The following AGTPBP1 variants were observed in gnomAD, a reference collection of about 807,000 sequenced individuals.
AGTPBP1 encodes the protein cytosolic carboxypeptidase 1.
Under a neutral mutation model 143.9 loss-of-function variants are expected in AGTPBP1, and 70 were observed. The ratio of observed to expected loss-of-function variants is 0.49; its 90% CI spans 0.40 to 0.59. AGTPBP1 has a LOEUF of 0.59. Ranked by LOEUF, AGTPBP1 falls within the 20% of genes least tolerant of loss-of-function variation. The pLI, the probability that AGTPBP1 is intolerant of heterozygous loss-of-function variation, is 0.00. For synonymous variants in AGTPBP1, 463 were observed against 500.2 expected (o/e 0.93, Z 0.99); for missense variants, 1,229 against 1,464.5 (o/e 0.84, Z 2.62).
chr9:85,638,437 G>A (rs1220063476), intron 13 of AGTPBP1, among the ~76,000 whole-genome samples: 2 of 151,580 alleles, frequency 1.3e-5, no homozygotes, highest in East Asian at 3.9e-4. Context: ...CCAAATGAAG[G>A]CAAGAAAAAG....
chr9:85,618,904 A>C, intron 17 of AGTPBP1, 79 bp downstream of exon 17: 2 of 1,441,530 alleles, frequency 1.4e-6, no homozygotes, highest in South Asian at 2.9e-5. Flanking sequence ...TTAAAAGTTG[A>C]CAATTTTTTT....
intron 8 of AGTPBP1, among the ~76,000 whole-genome samples, chr9:85,664,461 A>C (rs963812371): frequency 6.6e-6 from 1 of 152,166 alleles, no homozygotes; most frequent in African/African-American, 2.4e-5. Context: ...ATGATTTTTA[A>C]AGAAATTAAA....
intron 17 of AGTPBP1, among the ~76,000 whole-genome samples, chr9:85,599,326 TTG>T (rs1305957552): frequency 6.6e-6 from 1 of 152,212 alleles, no homozygotes; most frequent in Non-Finnish European, 1.5e-5. Flanking sequence ...ATACATTTCA[TTG>T]TATTCTCTCC....
chr9:85,718,540 T>C (rs1013999501), intron 1 of AGTPBP1, among the ~76,000 whole-genome samples: 3 of 152,196 alleles, frequency 2.0e-5, no homozygotes, highest in African/African-American at 7.2e-5. Context: ...GGTAAATATG[T>C]TTAAGTTCTT....
At chr9:85,576,498 T>C (rs896549636) in intron 24 of AGTPBP1, among the ~76,000 whole-genome samples, 3 of 152,230 alleles carry the variant, frequency 2.0e-5, no homozygotes, top group South Asian at 2.1e-4. Flanking sequence ...CTAGGAAATA[T>C]GACCTGACTT....
chr9:85,681,415 G>A (rs1159210681), intron 3 of AGTPBP1, 80 bp from the exon 4 acceptor site: 2 of 1,150,380 alleles, frequency 1.7e-6, no homozygotes, highest in Non-Finnish European at 2.5e-6. Flanking sequence ...AGCTAATAAA[G>A]ATTCAACAAG....
intron 17 of AGTPBP1, among the ~76,000 whole-genome samples, chr9:85,603,426 C>T (rs1184539248): frequency 6.6e-6 from 1 of 152,126 alleles, no homozygotes; most frequent in East Asian, 1.9e-4. Context: ...AGAGAACCCA[C>T]TGCCTTAAAG....
chr9:85,773,076 T>G, the AGTPBP1 span, among the ~76,000 whole-genome samples: 1 of 151,550 alleles, frequency 6.6e-6, no homozygotes, highest in Non-Finnish European at 1.5e-5. Context: ...CCATCCTAGC[T>G]AACACGGTGA....
chr9:85,749,590 G>A, the AGTPBP1 span, among the ~76,000 whole-genome samples: 1 of 152,110 alleles, frequency 6.6e-6, no homozygotes, highest in African/African-American at 2.4e-5. Flanking sequence ...TCTTAACTGA[G>A]GTCCATGGAT....
At chr9:85,573,437 G>A (rs569871922) in intron 25 of AGTPBP1, among the ~76,000 whole-genome samples, 1,904 of 152,254 alleles carry the variant, frequency 0.013, 29 homozygotes, top group African/African-American at 0.037. Context: ...GTGCAGTGGC[G>A]TGATCTCGGC....
At chr9:85,779,302 T>C in the AGTPBP1 span, among the ~76,000 whole-genome samples, 1 of 151,190 alleles carries the variant, frequency 6.6e-6, no homozygotes, top group African/African-American at 2.4e-5. Flanking sequence ...TCTCTATATA[T>C]ATAAAGGGGA....
chr9:85,766,094 A>T, the AGTPBP1 span, among the ~76,000 whole-genome samples: 2 of 151,290 alleles, frequency 1.3e-5, no homozygotes, highest in Admixed American at 1.3e-4. Context: ...CCTGCCTGTG[A>T]CTATTACTAA....
the AGTPBP1 span, among the ~76,000 whole-genome samples, chr9:85,753,789 G>C: frequency 3.2e-4 from 48 of 149,548 alleles, no homozygotes; most frequent in Non-Finnish European, 6.3e-4. Context: ...TAGATAGATA[G>C]ATAGATAGAT....
intron 25 of AGTPBP1, among the ~76,000 whole-genome samples, chr9:85,568,741 A>G (rs544386635): frequency 4.0e-4 from 61 of 152,322 alleles, no homozygotes; most frequent in African/African-American, 1.3e-3. Context: ...GCTCTGAGAA[A>G]TATCTCAGAA....
chr9:85,627,073 A>G (rs1587770092), intron 14 of AGTPBP1, among the ~76,000 whole-genome samples: 1 of 152,328 alleles, frequency 6.6e-6, no homozygotes, highest in Middle Eastern at 3.4e-3. Context: ...CCTACAAAAG[A>G]GAAACAGAGA....
intron 18 of AGTPBP1, among the ~76,000 whole-genome samples, chr9:85,595,366 C>A (rs982440962): frequency 2.0e-5 from 3 of 152,096 alleles, no homozygotes; most frequent in Admixed American, 2.0e-4. Context: ...ACAAGGGTGC[C>A]AAGTGGAATC....
chr9:85,679,268 T>G (rs1256272028), intron 4 of AGTPBP1, among the ~76,000 whole-genome samples: 3 of 152,182 alleles, frequency 2.0e-5, no homozygotes, highest in Non-Finnish European at 4.4e-5. Context: ...ACACTGTACT[T>G]TGGTTTTATT....
chr9:85,720,219 C>T (rs12553194), intron 1 of AGTPBP1, among the ~76,000 whole-genome samples: 12 of 152,080 alleles, frequency 7.9e-5, no homozygotes, highest in Non-Finnish European at 1.0e-4. Flanking sequence ...TTGATTGGAA[C>T]AGTTTCAGAA....
In AGTPBP1 at chr9:85,588,228, T is replaced by C. The variant is rs1828736430; in HGVS notation, c.2903+70A>G. 3.9e-6 allele frequency: 5 copies of C among 1,280,830 alleles called. No homozygotes were observed. The Admixed American group carries it at 9.1e-5, about 23-fold the overall frequency. The allele number at this position is 1,280,830 out of a possible 1,614,324, so 79.3% of individuals were successfully genotyped here. ...CTAAGTTTGTTAACCTGGACATTGT[T>C]ATTTCAACAAGTTTATACAGGACAA... On this transcript the variant is annotated intron_variant, in intron 21 of 25. Transcript: ENST00000357081.
Sources: gnomAD v4.1 joint callset for allele counts (sites outside exome capture counted in the v4.1 genomes callset) on GRCh38, gnomAD v4.1.1 for gene constraint, MANE v1.5 for transcripts, NCBI Gene and HGNC (gene_info 2026-07-23, HGNC 2026-07-21) for gene names.